The following ATP9B variants were observed in gnomAD, a reference collection of about 807,000 sequenced individuals.
ATP9B encodes probable phospholipid-transporting ATPase IIB.
Under a neutral mutation model 146.1 loss-of-function variants are expected in ATP9B, and 110 were observed. That is an observed-to-expected ratio of 0.75 (90% CI 0.65 to 0.88). The LOEUF is 0.88. Ranked by LOEUF, ATP9B falls within the 40% of genes least tolerant of loss-of-function variation. The pLI, the probability that ATP9B is intolerant of heterozygous loss-of-function variation, is 0.00. For missense variants in ATP9B, 1,499 were observed against 1,496.4 expected, an observed-to-expected ratio of 1.00 and a Z score of -0.03; for synonymous variants, 604 against 569.7, an observed-to-expected ratio of 1.06 and a Z score of -0.86.
rs2096852426 is a variant in ATP9B, at chr18:79,340,502, A to G, written c.2284-1766A>G. The G allele has an allele frequency of 2.0e-5, 3 of 152,246 alleles. No homozygotes were observed. In the South Asian group the frequency reaches 6.2e-4, roughly 32 times the overall value. 9.4% of individuals were successfully genotyped at this position (152,246 alleles called of 1,614,324 possible). ...AAAGCACAAATCTTAGACACTGAGAAGAGCCACAGGTGGAGCGTGCTTAAG... is the reference window on the plus strand; with the variant it reads ...AAAGCACAAATCTTAGACACTGAGAGGAGCCACAGGTGGAGCGTGCTTAAG... On this transcript the variant is annotated intron_variant, in intron 19 of 29. Transcript: ENST00000426216.
intron 26 of ATP9B, among the ~76,000 whole-genome samples, chr18:79,371,756 C>T (rs936737206): frequency 3.3e-5 from 5 of 152,152 alleles, no homozygotes; most frequent in Admixed American, 1.3e-4. Flanking sequence ...CTTCTGTGTC[C>T]CCTGAGCTTC....
In ATP9B at chr18:79,327,764, C is replaced by CCG. The variant is rs1568700301; in HGVS notation, c.1774-1377_1774-1376insCG. Among the ~76,000 whole-genome samples, 5 of 133,420 alleles carry CCG rather than the reference C, an allele frequency of 3.7e-5. 1 individual carries two copies. Among genetic ancestry groups the CCG allele is most frequent in the African/African-American group, 1.2e-4 (4 of 33,878 alleles). 87.5% of individuals were successfully genotyped at this position (133,420 alleles called of 152,430 possible). A position where few individuals can be genotyped will look rare whatever the true frequency, so the allele number is the denominator to read the frequency against. The stretch of plus-strand genomic sequence containing the variant: ...GTGCTCTCCGTGGTTAGCGTGCTCT[C>CCG]TGTGGTTAACGTGCTCTCCGTGGTT... On this transcript the variant is annotated intron_variant, in intron 15 of 29. Transcript: ENST00000426216.
chr18:79,088,305 G>A (rs1408908743), intron 1 of ATP9B, among the ~76,000 whole-genome samples: 1 of 152,068 alleles, frequency 6.6e-6, no homozygotes, highest in Non-Finnish European at 1.5e-5. Context: ...CTCATTTAGG[G>A]TATTATATTA....
rs1372347172 is a variant in ATP9B, at chr18:79,377,640, G to T, written c.*257G>T. The T allele has an allele frequency of 5.9e-6, 3 of 507,462 alleles. No individual in the cohort carries two copies. Among genetic ancestry groups the T allele is most frequent in the Non-Finnish European group, 1.1e-5 (3 of 283,216 alleles). 31.4% of individuals were successfully genotyped at this position (507,462 alleles called of 1,614,324 possible). A position where few individuals can be genotyped will look rare whatever the true frequency, so the allele number is the denominator to read the frequency against. ...CCTCTCAGTGCGAGGCTTCACCCCT[G>T]CCAGGCAAGCCCAGGGCATAGATGC... is the stretch of plus-strand genomic sequence containing the variant. On this transcript the variant is annotated 3_prime_UTR_variant, in exon 30 of 30. Coordinates refer to ENST00000426216, the MANE Select transcript of ATP9B (RefSeq NM_198531.5).
chr18:79,359,502 C>A, intron 26 of ATP9B, 40 bp downstream of exon 26: 2 of 1,458,492 alleles, frequency 1.4e-6, no homozygotes, highest in South Asian at 1.1e-5. Context: ...ACGACTAGCA[C>A]CCACATCTAG....
intron 13 of ATP9B, among the ~76,000 whole-genome samples, chr18:79,298,545 T>A (rs1207244719): frequency 1.4e-5 from 2 of 146,838 alleles, no homozygotes; most frequent in African/African-American, 2.5e-5. Context: ...CGATATTCAG[T>A]TTAATTCAGT....
intron 1 of ATP9B, among the ~76,000 whole-genome samples, chr18:79,076,209 G>A (rs1259542323): frequency 2.6e-5 from 4 of 152,170 alleles, no homozygotes; most frequent in Middle Eastern, 3.2e-3. Flanking sequence ...GAATATTCAA[G>A]AGGCAAAGGA....
chr18:79,364,621 T>C (rs2097015467), intron 26 of ATP9B, among the ~76,000 whole-genome samples: 1 of 152,090 alleles, frequency 6.6e-6, no homozygotes, highest in African/African-American at 2.4e-5. Context: ...CAGAAGAAAA[T>C]ACACACAAAA....
intron 1 of ATP9B, among the ~76,000 whole-genome samples, chr18:79,082,591 T>C (rs773960673): frequency 2.0e-5 from 3 of 152,250 alleles, no homozygotes; most frequent in Non-Finnish European, 4.4e-5. Flanking sequence ...GGAGTTTTTG[T>C]GTGGATGTCC....
At chr18:79,153,889 C>G (rs2094729518) in intron 6 of ATP9B, among the ~76,000 whole-genome samples, 1 of 151,738 alleles carries the variant, frequency 6.6e-6, no homozygotes, top group African/African-American at 2.4e-5. Context: ...CTCAAGTGAT[C>G]CTCCCGTGTT....
intron 10 of ATP9B, chr18:79,209,648 T>G (rs2095565901): frequency 2.0e-6 from 2 of 985,298 alleles, no homozygotes; most frequent in East Asian, 1.1e-4. Context: ...CTTTGCCATC[T>G]AGCATTCAGT....
intron 1 of ATP9B, among the ~76,000 whole-genome samples, chr18:79,077,578 A>G (rs994136813): frequency 1.3e-5 from 2 of 152,222 alleles, no homozygotes; most frequent in African/African-American, 2.4e-5. Flanking sequence ...TGTTAAATAC[A>G]ATGTACCAGA....
intron 1 of ATP9B, among the ~76,000 whole-genome samples, chr18:79,095,387 C>T (rs983458418): frequency 9.9e-5 from 15 of 152,146 alleles, no homozygotes; most frequent in South Asian, 4.1e-4. Context: ...CATGGTCTGC[C>T]GTTGCTAGGG....
intron 11 of ATP9B, among the ~76,000 whole-genome samples, chr18:79,244,251 C>G (rs1226684466): frequency 6.6e-6 from 1 of 152,112 alleles, no homozygotes; most frequent in Admixed American, 6.6e-5. Flanking sequence ...GGCCACCCCC[C>G]TGCCCTCCTG....
At position 79,113,329 on chromosome 18, in the gene ATP9B, A is replaced by T; in HGVS notation, c.533A>T (p.Tyr178Phe). The change falls in exon 4 of 30, where the codon TAT becomes TTT. Residue 178 changes from tyrosine to phenylalanine, a missense_variant. Transcript: ENST00000426216. ...SQFVPALKIG[Y>F]LYTYWAPLGF... ...TTTGTACCAGCATTGAAAATAGGCT[A>T]TCTCTACACCTACTGGGCTCCTCTG... is the stretch of plus-strand genomic sequence containing the variant. The T allele has an allele frequency of 6.3e-7, 1 of 1,583,662 alleles. No homozygotes were observed. Among genetic ancestry groups the T allele is most frequent in the African/African-American group, 1.3e-5 (1 of 74,382 alleles).
At chr18:79,233,924 T>G (rs1387585987) in intron 11 of ATP9B, among the ~76,000 whole-genome samples, 1 of 152,228 alleles carries the variant, frequency 6.6e-6, no homozygotes, top group Non-Finnish European at 1.5e-5. Flanking sequence ...AAAGTTATAT[T>G]CACGCTTCAT....
intron 12 of ATP9B, among the ~76,000 whole-genome samples, chr18:79,264,871 C>T (rs1599403162): frequency 6.6e-6 from 1 of 152,084 alleles, no homozygotes; most frequent in African/African-American, 2.4e-5. Flanking sequence ...TGTATTCTCG[C>T]CAAATAACAA....
intron 1 of ATP9B, among the ~76,000 whole-genome samples, chr18:79,092,452 A>G (rs779180911): frequency 6.6e-6 from 1 of 152,234 alleles, no homozygotes; most frequent in Non-Finnish European, 1.5e-5. Context: ...TACAGTGTGT[A>G]AATTAATCTT....
At chr18:79,302,976 C>T (rs2096600924) in intron 13 of ATP9B, among the ~76,000 whole-genome samples, 1 of 152,180 alleles carries the variant, frequency 6.6e-6, no homozygotes, top group Non-Finnish European at 1.5e-5. Flanking sequence ...TTTATGTCCG[C>T]CTCTTTCAGA....
Sources: allele counts gnomAD v4.1 joint callset (sites outside exome capture counted in the v4.1 genomes callset), GRCh38; gene constraint gnomAD v4.1.1; transcripts MANE v1.5; gene names NCBI Gene and HGNC (gene_info 2026-07-23, HGNC 2026-07-21).